The following PLXDC2 variants were observed in gnomAD, a reference collection of about 807,000 sequenced individuals.
The protein encoded by PLXDC2 is plexin domain-containing protein 2.
PLXDC2 carries 40 observed loss-of-function variants against 68.9 expected under a neutral mutation model. The observed-to-expected ratio is 0.58, with a 90% confidence interval of 0.45 to 0.76. The LOEUF (loss-of-function observed/expected upper bound fraction) is 0.76, where lower values mean the gene tolerates loss of function less well. Ranked by LOEUF, PLXDC2 falls within the 30% of genes least tolerant of loss-of-function variation. The pLI is 0.00. For missense variants in PLXDC2, 644 were observed against 661.9 expected (o/e 0.97, Z 0.30); for synonymous variants, 243 against 234.2 (o/e 1.04, Z -0.34).
At chr10:19,857,064 T>C (rs1278954445) in intron 1 of PLXDC2, among the ~76,000 whole-genome samples, 1 of 152,188 alleles carries the variant, frequency 6.6e-6, no homozygotes, top group Admixed American at 6.5e-5. Context: ...GCCCTTTAAG[T>C]AGACTATTTT....
rs551340953 is a variant in PLXDC2 at position 20,213,874 on chromosome 10, A to G, written c.1122+2145A>G. Among the ~76,000 whole-genome samples the G allele has an allele frequency of 6.6e-5, 10 of 152,122 alleles. No individual in the cohort carries two copies. The South Asian group carries it at 1.9e-3, about 28-fold the overall frequency. Reference sequence around the variant, plus strand: ...CCACTCTCTTTATTTTCACCTTCTGACTTCTTTGAAAGCTTGCCATTTTCA... The same window carrying G: ...CCACTCTCTTTATTTTCACCTTCTGGCTTCTTTGAAAGCTTGCCATTTTCA... On this transcript the variant is annotated intron_variant, in intron 10 of 13. Coordinates refer to ENST00000377252, the MANE Select transcript of PLXDC2 (RefSeq NM_032812.9).
At chr10:19,991,388 GA>G (rs1834749256) in intron 1 of PLXDC2, among the ~76,000 whole-genome samples, 1 of 148,162 alleles carries the variant, frequency 6.7e-6, no homozygotes. Flanking sequence ...CCATTTTGAG[GA>G]AAGAAGCTAA....
chr10:20,267,917 C>T (rs1253644529), intron 13 of PLXDC2, among the ~76,000 whole-genome samples: 1 of 151,650 alleles, frequency 6.6e-6, no homozygotes. Context: ...AATATCATTA[C>T]CATGGTTATC....
At chr10:19,971,176 G>T (rs1834345634) in intron 1 of PLXDC2, among the ~76,000 whole-genome samples, 1 of 152,082 alleles carries the variant, frequency 6.6e-6, no homozygotes, top group South Asian at 2.1e-4. Context: ...CTGACTCATT[G>T]TTCCTCTTCA....
chr10:19,851,607 A>C (rs1304313132), intron 1 of PLXDC2, among the ~76,000 whole-genome samples: 1 of 152,084 alleles, frequency 6.6e-6, no homozygotes, highest in Non-Finnish European at 1.5e-5. Flanking sequence ...GTGCAGTGGC[A>C]CAATCTTGGC....
intron 4 of PLXDC2, among the ~76,000 whole-genome samples, chr10:20,083,565 A>T (rs1836616493): frequency 1.3e-5 from 2 of 151,914 alleles, no homozygotes. Flanking sequence ...ACTGGATAGG[A>T]ATAATTTCTG....
chr10:19,842,713 A>G, intron 1 of PLXDC2, among the ~76,000 whole-genome samples: 1 of 152,196 alleles, frequency 6.6e-6, no homozygotes, highest in African/African-American at 2.4e-5. Context: ...AGCTAAACAC[A>G]TTGCAAATTT....
intron 1 of PLXDC2, among the ~76,000 whole-genome samples, chr10:19,826,144 G>C (rs1013271229): frequency 1.3e-5 from 2 of 152,162 alleles, no homozygotes; most frequent in Non-Finnish European, 2.9e-5. Context: ...AAGGAATGCT[G>C]TCCTGAACTT....
chr10:20,222,063 G>A (rs892079101), intron 12 of PLXDC2, among the ~76,000 whole-genome samples: 5 of 152,178 alleles, frequency 3.3e-5, no homozygotes, highest in African/African-American at 1.2e-4. Flanking sequence ...TTACTTTTTG[G>A]TGACTAATTG....
chr10:20,150,920 G>A (rs546835552), intron 6 of PLXDC2, among the ~76,000 whole-genome samples: 1 of 152,006 alleles, frequency 6.6e-6, no homozygotes, highest in East Asian at 1.9e-4. Context: ...TTTGTTATGG[G>A]GAATTTCAAG....
chr10:19,953,923 A>G (rs1324691414), intron 1 of PLXDC2, among the ~76,000 whole-genome samples: 1 of 152,168 alleles, frequency 6.6e-6, no homozygotes, highest in Non-Finnish European at 1.5e-5. Context: ...AAGAGTCTGG[A>G]AATGAAAGTG....
intron 12 of PLXDC2, among the ~76,000 whole-genome samples, chr10:20,234,337 A>G (rs1306648505): frequency 6.6e-6 from 1 of 152,214 alleles, no homozygotes; most frequent in Admixed American, 6.5e-5. Context: ...TCTGTTCCAC[A>G]TTCAAGACAT....
intron 1 of PLXDC2, among the ~76,000 whole-genome samples, chr10:19,827,159 C>T (rs888627008): frequency 1.3e-5 from 2 of 152,044 alleles, no homozygotes; most frequent in Admixed American, 1.3e-4. Flanking sequence ...AAGGGCTACT[C>T]CAAAAAGATA....
At chr10:20,248,917 G>A (rs1380035409) in intron 13 of PLXDC2, among the ~76,000 whole-genome samples, 1 of 152,150 alleles carries the variant, frequency 6.6e-6, no homozygotes, top group African/African-American at 2.4e-5. Context: ...TTATGAAAGT[G>A]ATACCATTCT....
At chr10:20,140,980 G>C (rs1206919255) in intron 4 of PLXDC2, among the ~76,000 whole-genome samples, 1 of 151,490 alleles carries the variant, frequency 6.6e-6, no homozygotes, top group East Asian at 1.9e-4. Context: ...GTTCATTTTG[G>C]TTGTAGCAAC....
chr10:20,034,264 A>G (rs533771417), intron 2 of PLXDC2, among the ~76,000 whole-genome samples: 3 of 152,184 alleles, frequency 2.0e-5, no homozygotes, highest in Admixed American at 2.0e-4. Context: ...TGTTAATCCC[A>G]TTAGACAGAA....
At chr10:20,080,626 C>T (rs1160021632) in intron 4 of PLXDC2, among the ~76,000 whole-genome samples, 2 of 152,192 alleles carry the variant, frequency 1.3e-5, no homozygotes, top group East Asian at 3.9e-4. Flanking sequence ...ATTCTAGCCT[C>T]TCTGGCAGCT....
intron 10 of PLXDC2, 75 bp downstream of exon 10, chr10:20,211,804 T>G: frequency 7.1e-7 from 1 of 1,401,314 alleles, no homozygotes; most frequent in Non-Finnish European, 9.9e-7. Context: ...TAATAATTTT[T>G]ATTCAAAATT....
intron 1 of PLXDC2, among the ~76,000 whole-genome samples, chr10:19,869,232 C>A (rs927665439): frequency 1.1e-4 from 17 of 151,742 alleles, no homozygotes; most frequent in Non-Finnish European, 1.6e-4. Context: ...CCTCGTCTCA[C>A]AAAAAGTATG....
Sources: allele counts gnomAD v4.1 joint callset (sites outside exome capture counted in the v4.1 genomes callset), GRCh38; gene constraint gnomAD v4.1.1; transcripts MANE v1.5; gene names NCBI Gene and HGNC (gene_info 2026-07-23, HGNC 2026-07-21).